STK3: variants seen among roughly 807,000 people sequenced by gnomAD.
The protein encoded by STK3 is serine/threonine-protein kinase 3.
In STK3, 41 loss-of-function variants were observed where a neutral mutation model predicts 58.0. The ratio of observed to expected loss-of-function variants is 0.71; its 90% CI spans 0.55 to 0.92. The LOEUF (loss-of-function observed/expected upper bound fraction) is 0.92. Ranked by LOEUF, STK3 falls within the 40% of genes least tolerant of loss-of-function variation. The pLI is 0.00. For missense variants in STK3, 479 were observed against 602.7 expected, an observed-to-expected ratio of 0.79 and a Z score of 2.15; for synonymous variants, 170 against 191.0, an observed-to-expected ratio of 0.89 and a Z score of 0.91.
At chr8:98,878,502 C>T (rs1487124801) in intron 3 of STK3, among the ~76,000 whole-genome samples, 2 of 152,116 alleles carry the variant, frequency 1.3e-5, no homozygotes, top group South Asian at 2.1e-4. Context: ...AGACAAATTC[C>T]GATTACCAGC....
chr8:98,714,437 C>G (rs1826820745), intron 4 of STK3, among the ~76,000 whole-genome samples: 1 of 152,174 alleles, frequency 6.6e-6, no homozygotes, highest in Non-Finnish European at 1.5e-5. Context: ...AGCAAAGTCT[C>G]AGGATACAAA....
chr8:98,648,079 T>C lies in STK3; in HGVS notation c.685-51910A>G, dbSNP rs552630964. On this transcript the variant is annotated intron_variant, in intron 6 of 10. Transcript: ENST00000419617. The stretch of plus-strand genomic sequence containing the variant: ...TCTTGATTTTTCCCCTACCTTTCTC[T>C]ACAACTCCAGGTGACCAGCAATGAC... Among the ~76,000 whole-genome samples, 50 of 152,302 alleles carry C rather than the reference T, an allele frequency of 3.3e-4. No homozygotes were observed. In the South Asian group the frequency reaches 9.7e-3, roughly 30 times the overall value.
downstream of STK3, among the ~76,000 whole-genome samples, chr8:98,397,991 C>T (rs1817910113): frequency 6.6e-6 from 1 of 152,190 alleles, no homozygotes; most frequent in Admixed American, 6.5e-5. Context: ...AACCCAGTCT[C>T]ATGTAGTTCT....
chr8:98,682,846 T>C (rs190363152), intron 6 of STK3, among the ~76,000 whole-genome samples: 211 of 152,198 alleles, frequency 1.4e-3, no homozygotes, highest in Non-Finnish European at 2.6e-3. Flanking sequence ...AGTAAATACC[T>C]GCCCTCAGTA....
intron 6 of STK3, chr8:98,633,935 T>G: frequency 4.1e-6 from 1 of 241,942 alleles, no homozygotes; most frequent in South Asian, 7.8e-5. Flanking sequence ...AGCTAGAAGT[T>G]TCAGAATAAA....
At chr8:98,639,578 T>C (rs945630981) in intron 6 of STK3, among the ~76,000 whole-genome samples, 1 of 152,360 alleles carries the variant, frequency 6.6e-6, no homozygotes, top group Admixed American at 6.5e-5. Context: ...TAATGTTTAA[T>C]ACTTTCAATA....
intron 3 of STK3, among the ~76,000 whole-genome samples, chr8:98,755,452 C>G (rs1438621575): frequency 6.6e-6 from 1 of 152,162 alleles, no homozygotes; most frequent in African/African-American, 2.4e-5. Flanking sequence ...AATAAAATTG[C>G]TCCTAGTTCA....
intron 3 of STK3, among the ~76,000 whole-genome samples, chr8:98,873,719 T>G (rs917911551): frequency 5.9e-5 from 9 of 152,220 alleles, no homozygotes; most frequent in African/African-American, 2.2e-4. Context: ...ATCACTTTAT[T>G]TTGAGCCTAT....
At chr8:98,910,512 A>G (rs570343180) in intron 1 of STK3, among the ~76,000 whole-genome samples, 18 of 152,370 alleles carry the variant, frequency 1.2e-4, no homozygotes, top group African/African-American at 4.1e-4. Flanking sequence ...GGAAACTTCT[A>G]TAGTGTGATC....
chr8:98,871,607 G>T (rs1837383471), intron 3 of STK3, among the ~76,000 whole-genome samples: 1 of 151,198 alleles, frequency 6.6e-6, no homozygotes, highest in South Asian at 2.1e-4. Context: ...TGAAGCAATT[G>T]TGAATGGGAG....
intron 1 of STK3, among the ~76,000 whole-genome samples, chr8:98,893,683 G>T (rs1252045494): frequency 1.3e-5 from 2 of 151,912 alleles, no homozygotes; most frequent in South Asian, 4.2e-4. Flanking sequence ...CATCCCCAAG[G>T]TTACCACCAA....
At chr8:98,571,865 C>A (rs1362918487) in intron 8 of STK3, among the ~76,000 whole-genome samples, 1 of 152,138 alleles carries the variant, frequency 6.6e-6, no homozygotes, top group Non-Finnish European at 1.5e-5. Context: ...TTTTACTTAA[C>A]ATTGTGATCC....
intron 3 of STK3, among the ~76,000 whole-genome samples, chr8:98,870,109 C>T (rs1837314678): frequency 6.6e-6 from 1 of 152,008 alleles, no homozygotes; most frequent in Non-Finnish European, 1.5e-5. Context: ...GTTTTCTGTC[C>T]TTGTGAAAGT....
chr8:98,801,850 A>T (rs1833573706), intron 1 of STK3, among the ~76,000 whole-genome samples: 1 of 151,958 alleles, frequency 6.6e-6, no homozygotes, highest in Admixed American at 6.6e-5. Flanking sequence ...AGCTTGTTGT[A>T]TCTCATTTTT....
rs71572020 is a variant in STK3 at position 98,627,496 on chromosome 8, GAA to G, written c.685-31329_685-31328del. Among the ~76,000 whole-genome samples, 140 of 101,016 alleles carry G rather than the reference GAA, an allele frequency of 1.4e-3. 1 individual carries two copies. The highest frequency in any genetic ancestry group is 4.5e-3 in the African/African-American group (117 of 25,860). 66.3% of individuals were successfully genotyped at this position (101,016 alleles called of 152,430 possible). On this transcript the variant is annotated intron_variant, in intron 6 of 10. Transcript: ENST00000419617. Reference sequence around the variant, plus strand: ...GCCACTGCACTAAAAAAAGAAAAAAGAAAAAAAAAAAAAAAAAGGTCTGGTTA... The same window carrying G: ...GCCACTGCACTAAAAAAAGAAAAAAGAAAAAAAAAAAAAAAGGTCTGGTTA...
intron 1 of STK3, among the ~76,000 whole-genome samples, chr8:98,444,092 G>C (rs1818802565): frequency 6.6e-6 from 1 of 152,198 alleles, no homozygotes; most frequent in Non-Finnish European, 1.5e-5. Flanking sequence ...GAAAACGTGG[G>C]CACAGTCCTG....
chr8:98,738,128 G>C (rs1828777787), intron 4 of STK3, among the ~76,000 whole-genome samples: 1 of 152,214 alleles, frequency 6.6e-6, no homozygotes, highest in South Asian at 2.1e-4. Flanking sequence ...TGAGTTAAAT[G>C]TAATTCCAAT....
At chr8:98,779,439 A>G (rs1166367551) in intron 1 of STK3, among the ~76,000 whole-genome samples, 1 of 152,238 alleles carries the variant, frequency 6.6e-6, no homozygotes, top group Non-Finnish European at 1.5e-5. Context: ...AAACAACTCC[A>G]CAGACTGTCC....
Position 98,697,287 on chromosome 8 carries a change from G to A in STK3, c.684+9180C>T, listed in dbSNP as rs1053163204. On this transcript the variant is annotated intron_variant, in intron 6 of 10. Transcript: ENST00000419617. The stretch of plus-strand genomic sequence containing the variant: ...GTCTTGCTAGCGGTCTATCAATTTT[G>A]TTGATCCTTTCAGAAAACCAGCTCC... 2.6e-5 allele frequency among the ~76,000 whole-genome samples: 4 copies of A among 152,116 alleles called. No individual in the cohort carries two copies. The South Asian group carries it at 8.3e-4, about 32-fold the overall frequency.
Sources: allele counts gnomAD v4.1 joint callset (sites outside exome capture counted in the v4.1 genomes callset), GRCh38; gene constraint gnomAD v4.1.1; transcripts MANE v1.5; gene names NCBI Gene and HGNC (gene_info 2026-07-23, HGNC 2026-07-21).